PTP4A1: variants seen among roughly 807,000 people sequenced by gnomAD.
PTP4A1 encodes protein tyrosine phosphatase 4A1, also known as protein tyrosine phosphatase type IVA 1.
PTP4A1 carries 9 observed loss-of-function variants against 20.5 expected under a neutral mutation model. The ratio of observed to expected loss-of-function variants is 0.44; its 90% CI spans 0.26 to 0.77. The LOEUF (loss-of-function observed/expected upper bound fraction) is 0.77. Ranked by LOEUF, PTP4A1 falls within the 30% of genes least tolerant of loss-of-function variation. PTP4A1 has a pLI of 0.19. For missense variants in PTP4A1, 137 were observed against 218.8 expected (o/e 0.63, Z 2.36); for synonymous variants, 78 against 67.4 (o/e 1.16, Z -0.77).
intron 1 of PTP4A1, among the ~76,000 whole-genome samples, chr6:63,575,687 T>A (rs553972533): frequency 6.6e-6 from 1 of 152,296 alleles, no homozygotes; most frequent in African/African-American, 2.4e-5. Context: ...ATTATGAATA[T>A]TTTCTTTACA....
intron 2 of PTP4A1, among the ~76,000 whole-genome samples, chr6:63,544,926 A>G (rs2149486122): frequency 6.6e-6 from 1 of 152,314 alleles, no homozygotes; most frequent in East Asian, 1.9e-4. Flanking sequence ...CCGAAGAGAT[A>G]CTTTAAAGTT....
In PTP4A1 at chr6:63,578,440, C is replaced by A. The variant is rs1236468736; in HGVS notation, c.109C>A (p.Leu37Ile). Residue 37 changes from leucine (L) to isoleucine (I), a missense_variant, in exon 3 of 6, where the codon CTT becomes ATT. Transcript: ENST00000626021. ...TTTTAATGTACGTTTTATCCAGGAACTTAAGAAGTATGGAGTTACCACAAT... is the reference window on the plus strand; with the variant it reads ...TTTTAATGTACGTTTTATCCAGGAAATTAAGAAGTATGGAGTTACCACAAT... ...NATLNKFIEE[L>I]KKYGVTTIVR... 2 of 1,601,488 alleles carry A rather than the reference C, an allele frequency of 1.2e-6. No individual in the cohort carries two copies. Among genetic ancestry groups the A allele is most frequent in the African/African-American group, 2.7e-5 (2 of 73,958 alleles).
chr6:63,577,015 A>C, intron 2 of PTP4A1, 30 bp downstream of exon 2: 1 of 1,531,996 alleles, frequency 6.5e-7, no homozygotes, highest in Non-Finnish European at 9.0e-7. Context: ...AGTAGCTTAA[A>C]TTGATTGCAA....
intron 3 of PTP4A1, among the ~76,000 whole-genome samples, chr6:63,553,935 G>A (rs1447235752): frequency 6.6e-6 from 1 of 152,096 alleles, no homozygotes; most frequent in Non-Finnish European, 1.5e-5. Context: ...AAATAGCAGG[G>A]CATCAAAGTT....
At position 63,576,825 on chromosome 6, in the gene PTP4A1, A is replaced by T; in HGVS notation, c.-56A>T. 7.2e-7 allele frequency: 1 copy of T among 1,396,400 alleles called. No homozygotes were observed. Among genetic ancestry groups the T allele is most frequent in the Non-Finnish European group, 1.0e-6 (1 of 1,000,604 alleles). 86.5% of individuals were successfully genotyped at this position (1,396,400 alleles called of 1,614,324 possible). A position where few individuals can be genotyped will look rare whatever the true frequency, so the allele number is the denominator to read the frequency against. ...TTCAGTTTCTTTGCATCATTTCTGTATTCAATTTTTTTAATTATTTCATAA... is the reference window on the plus strand; with the variant it reads ...TTCAGTTTCTTTGCATCATTTCTGTTTTCAATTTTTTTAATTATTTCATAA... On this transcript the variant is annotated 5_prime_UTR_variant, in exon 2 of 6. Coordinates refer to ENST00000626021, the MANE Select transcript of PTP4A1 (RefSeq NM_003463.5).
chr6:63,523,369 C>A (rs1041400290), intron 1 of PTP4A1, among the ~76,000 whole-genome samples: 2 of 151,972 alleles, frequency 1.3e-5, no homozygotes, highest in Non-Finnish European at 2.9e-5. Flanking sequence ...CCTGTCTCTA[C>A]TAGAAAACAC....
intron 1 of PTP4A1, among the ~76,000 whole-genome samples, chr6:63,573,051 G>A (rs1422267118): frequency 6.6e-6 from 1 of 152,020 alleles, no homozygotes; most frequent in Non-Finnish European, 1.5e-5. Context: ...TTCCGCAGCG[G>A]GCCGGGTGGG....
At chr6:63,538,881 A>ATATT (rs917350873) in intron 2 of PTP4A1, among the ~76,000 whole-genome samples, 32 of 151,866 alleles carry the variant, frequency 2.1e-4, no homozygotes, top group Admixed American at 5.9e-4. Flanking sequence ...AGAAGTAATA[A>ATATT]TATTTATTTA....
At chr6:63,547,465 C>T (rs1776241578) in intron 2 of PTP4A1, among the ~76,000 whole-genome samples, 1 of 148,986 alleles carries the variant, frequency 6.7e-6, no homozygotes, top group Non-Finnish European at 1.5e-5. Context: ...GCTGGGATTA[C>T]AGGCGTCTGC....
chr6:63,577,051 A>G, intron 2 of PTP4A1, 66 bp downstream of exon 2: 3 of 1,305,104 alleles, frequency 2.3e-6, no homozygotes, highest in Non-Finnish European at 3.2e-6. Context: ...TATAGCTAAC[A>G]AAATAAAAAC....
chr6:63,545,215 A>G (rs1360459078), intron 2 of PTP4A1, among the ~76,000 whole-genome samples: 1 of 152,190 alleles, frequency 6.6e-6, no homozygotes, highest in Non-Finnish European at 1.5e-5. Flanking sequence ...GATTTGGGGC[A>G]ACTGGAAGTC....
chr6:63,531,481 T>G (rs1775460616), intron 2 of PTP4A1, among the ~76,000 whole-genome samples: 1 of 151,986 alleles, frequency 6.6e-6, no homozygotes, highest in Non-Finnish European at 1.5e-5. Flanking sequence ...ATGTAATATT[T>G]GTATTAAGTT....
chr6:63,583,543 A>G lies in PTP4A1; in HGVS notation c.*3369A>G, dbSNP rs1055011359. ...GGATTGATGGTGATTTTATAATTATATATATTGCCGCAGTAACCAGTTAAT... is the reference window on the plus strand; with the variant it reads ...GGATTGATGGTGATTTTATAATTATGTATATTGCCGCAGTAACCAGTTAAT... On this transcript the variant is annotated 3_prime_UTR_variant, in exon 6 of 6. Transcript: ENST00000626021. The G allele has an allele frequency of 2.6e-5, 4 of 152,184 alleles. No homozygotes were observed. The highest frequency in any genetic ancestry group is 9.7e-5 in the African/African-American group (4 of 41,422). 9.4% of individuals were successfully genotyped at this position (152,184 alleles called of 1,614,324 possible).
intron 1 of PTP4A1, among the ~76,000 whole-genome samples, chr6:63,574,444 A>G (rs1040236892): frequency 6.6e-6 from 1 of 152,162 alleles, no homozygotes; most frequent in African/African-American, 2.4e-5. Flanking sequence ...GGCGGAACAG[A>G]AATCTATCGG....
intron 3 of PTP4A1, among the ~76,000 whole-genome samples, chr6:63,557,288 G>C (rs986397979): frequency 2.0e-5 from 3 of 152,160 alleles, no homozygotes; most frequent in African/African-American, 7.2e-5. Flanking sequence ...TATTAGGTGT[G>C]GGCATGGTGG....
At chr6:63,538,206 G>A (rs1173343435) in intron 2 of PTP4A1, among the ~76,000 whole-genome samples, 1 of 152,190 alleles carries the variant, frequency 6.6e-6, no homozygotes, top group African/African-American at 2.4e-5. Context: ...ATGACAGGTT[G>A]TTCAAAAGGA....
intron 3 of PTP4A1, among the ~76,000 whole-genome samples, chr6:63,560,360 A>C (rs75174715): frequency 2.0e-5 from 3 of 150,900 alleles, no homozygotes; most frequent in Non-Finnish European, 4.4e-5. Flanking sequence ...AAAAAAAAGA[A>C]AGAAAGAAAA....
rs1474033425 is a variant in PTP4A1 at position 63,583,094 on chromosome 6, G to GT, written c.*2921dup. 2.0e-5 allele frequency: 3 copies of GT among 152,130 alleles called. No homozygotes were observed. Among genetic ancestry groups the GT allele is most frequent in the African/African-American group, 7.2e-5 (3 of 41,428 alleles). The allele number at this position is 152,130 out of a possible 1,614,324, so 9.4% of individuals were successfully genotyped here. On this transcript the variant is annotated 3_prime_UTR_variant, in exon 6 of 6. Coordinates refer to ENST00000626021, the MANE Select transcript of PTP4A1 (RefSeq NM_003463.5). ...GTCACCAGATTTTGGTCACCAATGA[G>GT]TACCCGACCCGTTGCCATGATTAAG...
At chr6:63,546,229 T>A (rs74419708) in intron 2 of PTP4A1, among the ~76,000 whole-genome samples, 2 of 152,156 alleles carry the variant, frequency 1.3e-5, no homozygotes, top group Non-Finnish European at 2.9e-5. Flanking sequence ...ATACTGTCCT[T>A]TGCTATGACA....
Sources: gnomAD v4.1 joint callset for allele counts (sites outside exome capture counted in the v4.1 genomes callset) on GRCh38, gnomAD v4.1.1 for gene constraint, MANE v1.5 for transcripts, NCBI Gene and HGNC (gene_info 2026-07-23, HGNC 2026-07-21) for gene names.